SEMA5A: variants seen among roughly 807,000 people sequenced by gnomAD.
The protein encoded by SEMA5A is semaphorin 5A.
SEMA5A carries 55 observed loss-of-function variants against 135.5 expected under a neutral mutation model. The ratio of observed to expected loss-of-function variants is 0.41; its 90% CI spans 0.33 to 0.51. SEMA5A has a LOEUF of 0.51. Ranked by LOEUF, SEMA5A falls within the 20% of genes least tolerant of loss-of-function variation. SEMA5A has a pLI of 0.37. For synonymous variants in SEMA5A, 580 were observed against 546.5 expected (o/e 1.06, Z -0.85); for missense variants, 1,290 against 1,419.9 (o/e 0.91, Z 1.47).
At chr5:9,380,114 T>A (rs1755534159) in intron 2 of SEMA5A, 91 bp from the exon 3 acceptor site, 1 of 816,478 alleles carries the variant, frequency 1.2e-6, no homozygotes, top group African/African-American at 1.7e-5. Flanking sequence ...AACTTTAAGG[T>A]TACACTTTGT....
chr5:9,253,018 G>C (rs1056691667), intron 5 of SEMA5A, among the ~76,000 whole-genome samples: 3 of 152,116 alleles, frequency 2.0e-5, no homozygotes, highest in African/African-American at 7.2e-5. Flanking sequence ...CACCTCATTA[G>C]AGTCTCCTTA....
intron 2 of SEMA5A, among the ~76,000 whole-genome samples, chr5:9,424,161 C>T (rs904218913): frequency 6.6e-6 from 1 of 152,066 alleles, no homozygotes; most frequent in Non-Finnish European, 1.5e-5. Context: ...AAAGCCTGAA[C>T]TGCTGATTGT....
intron 11 of SEMA5A, among the ~76,000 whole-genome samples, chr5:9,189,245 T>C (rs1744965887): frequency 6.6e-6 from 1 of 152,218 alleles, no homozygotes; most frequent in Non-Finnish European, 1.5e-5. Flanking sequence ...TCCTGGCATC[T>C]TACTGACTGC....
At chr5:9,176,179 G>A (rs1224911479) in intron 11 of SEMA5A, among the ~76,000 whole-genome samples, 2 of 152,176 alleles carry the variant, frequency 1.3e-5, no homozygotes, top group Non-Finnish European at 2.9e-5. Context: ...ACCCTAAAGG[G>A]AAGACTGGGC....
intron 12 of SEMA5A, among the ~76,000 whole-genome samples, chr5:9,144,652 G>C (rs1236073217): frequency 2.0e-5 from 3 of 152,198 alleles, no homozygotes; most frequent in Non-Finnish European, 2.9e-5. Flanking sequence ...ACTTGGCCTT[G>C]TGTAGCCTTC....
chr5:9,507,317 G>C (rs537818554), intron 1 of SEMA5A, among the ~76,000 whole-genome samples: 11 of 152,204 alleles, frequency 7.2e-5, no homozygotes, highest in Non-Finnish European at 1.3e-4. Flanking sequence ...CTCAGAGAGA[G>C]GGGATGTGAG....
At chr5:9,489,327 G>T (rs1174753788) in intron 1 of SEMA5A, among the ~76,000 whole-genome samples, 1 of 151,970 alleles carries the variant, frequency 6.6e-6, no homozygotes, top group Admixed American at 6.6e-5. Context: ...GGGGTATAAG[G>T]GTTTCCTTCC....
At chr5:9,218,305 G>A (rs568059908) in intron 8 of SEMA5A, among the ~76,000 whole-genome samples, 13 of 152,180 alleles carry the variant, frequency 8.5e-5, no homozygotes, top group Non-Finnish European at 1.6e-4. Context: ...ACAAGCACAG[G>A]CACTGTCCAA....
At chr5:9,175,853 T>C (rs1004709425) in intron 11 of SEMA5A, among the ~76,000 whole-genome samples, 1 of 145,946 alleles carries the variant, frequency 6.9e-6, no homozygotes, top group Non-Finnish European at 1.5e-5. Context: ...AATTAAAACA[T>C]ATTTAGAGGG....
chr5:9,421,703 T>A (rs529520105), intron 2 of SEMA5A, among the ~76,000 whole-genome samples: 2 of 152,182 alleles, frequency 1.3e-5, no homozygotes, highest in African/African-American at 4.8e-5. Flanking sequence ...CTTTTTTCTC[T>A]CTCTCTTTTT....
chr5:9,150,949 T>C (rs1009582293), intron 12 of SEMA5A, among the ~76,000 whole-genome samples: 1 of 152,132 alleles, frequency 6.6e-6, no homozygotes, highest in Non-Finnish European at 1.5e-5. Context: ...TGGTCCTCGT[T>C]GTACCGGGGC....
intron 5 of SEMA5A, among the ~76,000 whole-genome samples, chr5:9,282,015 C>T (rs1579274835): frequency 6.6e-6 from 1 of 151,768 alleles, no homozygotes; most frequent in African/African-American, 2.4e-5. Flanking sequence ...GTTTTACCAT[C>T]TTGGCCAGGC....
chr5:9,376,116 T>C (rs865930178), intron 3 of SEMA5A, among the ~76,000 whole-genome samples: 1 of 152,154 alleles, frequency 6.6e-6, no homozygotes, highest in South Asian at 2.1e-4. Context: ...CTCCTCCCTT[T>C]GGTCTCAGTA....
At chr5:9,103,975 C>T (rs1318014725) in intron 16 of SEMA5A, among the ~76,000 whole-genome samples, 1 of 152,110 alleles carries the variant, frequency 6.6e-6, no homozygotes, top group African/African-American at 2.4e-5. Flanking sequence ...AAGAGAAGAG[C>T]TATAGAAAGA....
chr5:9,164,267 G>C (rs56372622), intron 11 of SEMA5A, among the ~76,000 whole-genome samples: 2 of 139,172 alleles, frequency 1.4e-5, no homozygotes, highest in East Asian at 2.1e-4. Context: ...ATAAATATAT[G>C]ATATAAATAT....
At chr5:9,298,537 CT>C (rs1184380793) in intron 5 of SEMA5A, among the ~76,000 whole-genome samples, 2 of 152,164 alleles carry the variant, frequency 1.3e-5, no homozygotes, top group Admixed American at 6.5e-5. Context: ...CAACCCAGTC[CT>C]TTTTTTATCT....
chr5:9,046,934 A>G (rs1390305124), intron 21 of SEMA5A, among the ~76,000 whole-genome samples: 1 of 151,966 alleles, frequency 6.6e-6, no homozygotes, highest in Non-Finnish European at 1.5e-5. Context: ...AACCACCTCA[A>G]CTTTTCACTT....
At chr5:9,537,173 T>C (rs1737813471) in intron 1 of SEMA5A, among the ~76,000 whole-genome samples, 1 of 152,238 alleles carries the variant, frequency 6.6e-6, no homozygotes, top group African/African-American at 2.4e-5. Flanking sequence ...TATGAGCTGC[T>C]TTAATTATGA....
At chr5:9,197,366 C>A in intron 9 of SEMA5A, 63 bp from the exon 10 acceptor site, 1 of 1,577,026 alleles carries the variant, frequency 6.3e-7, no homozygotes, top group South Asian at 1.1e-5. Context: ...TGACCTCCCC[C>A]TATGGACTGG....
Sources: gnomAD v4.1 joint callset for allele counts (sites outside exome capture counted in the v4.1 genomes callset) on GRCh38, gnomAD v4.1.1 for gene constraint, MANE v1.5 for transcripts, NCBI Gene and HGNC (gene_info 2026-07-23, HGNC 2026-07-21) for gene names.